ZNF774: variants seen among roughly 807,000 people sequenced by gnomAD.
The protein encoded by ZNF774 is zinc finger protein 774.
A neutral mutation model predicts 11.1 loss-of-function variants in ZNF774; 14 were observed. The ratio of observed to expected loss-of-function variants is 1.26; its 90% confidence interval spans 0.83 to 1.97. ZNF774 has a LOEUF of 1.97. Among genes scored for constraint, ZNF774 ranks in the 30% most tolerant of loss-of-function variants. ZNF774 has a pLI of 0.00. For synonymous variants in ZNF774, 195 were observed against 212.6 expected, an observed-to-expected ratio of 0.92 and a Z score of 0.72; for missense variants, 599 against 587.0, an observed-to-expected ratio of 1.02 and a Z score of -0.21.
intron 3 of ZNF774, among the ~76,000 whole-genome samples, 184 bp from the exon 4 acceptor site, chr15:90,359,859 T>G (rs938035011): frequency 1.3e-5 from 2 of 152,246 alleles, no homozygotes; most frequent in Non-Finnish European, 2.9e-5. Context: ...TTAAAAAGTT[T>G]AGGAATTCAC....
At chr15:90,355,978 A>C (rs1964240888) in intron 2 of ZNF774, among the ~76,000 whole-genome samples, 1 of 148,490 alleles carries the variant, frequency 6.7e-6, no homozygotes, top group African/African-American at 2.5e-5. Flanking sequence ...CAGTGAGCCA[A>C]GATCATGCCA....
chr15:90,356,830 C>T (rs924789016), intron 2 of ZNF774, among the ~76,000 whole-genome samples: 3 of 151,824 alleles, frequency 2.0e-5, no homozygotes, highest in African/African-American at 7.3e-5. Context: ...TTTTTTTAAC[C>T]TATAAAAATA....
At chr15:90,355,945 C>T (rs542192286) in intron 2 of ZNF774, among the ~76,000 whole-genome samples, 23 of 144,740 alleles carry the variant, frequency 1.6e-4, no homozygotes, top group Non-Finnish European at 1.8e-4. Context: ...AGGAGAACAG[C>T]GTGAACTGGG....
chr15:90,359,783 G>A (rs1964299549), intron 3 of ZNF774, among the ~76,000 whole-genome samples: 1 of 152,146 alleles, frequency 6.6e-6, no homozygotes, highest in Admixed American at 6.6e-5. Context: ...TAAAGAAACC[G>A]CACAATATTG....
At position 90,360,274 on chromosome 15, in the gene ZNF774, G is replaced by A; in HGVS notation, c.443G>A (p.Gly148Glu). The change falls in exon 4 of 4, where the codon GGA becomes GAA. Residue 148 changes from glycine to glutamate, a missense_variant. Transcript: ENST00000354377. ...DLNKLLDGYVGEKPMCAECGK... is the reference protein window; with the variant it reads ...DLNKLLDGYVEEKPMCAECGK... ...AACAAGCTCCTGGATGGATATGTAG[G>A]AGAGAAGCCTATGTGTGCAGAATGC... 3 of 1,614,218 alleles carry A rather than the reference G, an allele frequency of 1.9e-6. No homozygotes were observed. Among genetic ancestry groups the A allele is most frequent in the Non-Finnish European group, 1.7e-6 (2 of 1,180,038 alleles).
rs745919221 is a variant in ZNF774 at position 90,356,250 on chromosome 15, G to A, written c.104+1486G>A. 2.4e-4 allele frequency among the ~76,000 whole-genome samples: 36 copies of A among 151,144 alleles called. 1 individual carries two copies. Among genetic ancestry groups the A allele is most frequent in the Admixed American group, 1.7e-3 (25 of 15,114 alleles). The stretch of plus-strand genomic sequence containing the variant: ...TCCTGGATAATTTTTTGTATTTTTA[G>A]TAGAGATGGGTTATCTCCATGTGGT... On this transcript the variant is annotated intron_variant, in intron 2 of 3. Coordinates refer to ENST00000354377, the MANE Select transcript of ZNF774 (RefSeq NM_001004309.3).
chr15:90,360,074 G>C lies in ZNF774; in HGVS notation c.243G>C (p.Gln81His). The C allele has an allele frequency of 6.2e-7, 1 of 1,613,354 alleles. No individual in the cohort carries two copies. Among genetic ancestry groups the C allele is most frequent in the Non-Finnish European group, 8.5e-7 (1 of 1,179,546 alleles). ...DCEHQVAKLN[Q>H]DNSETAEQCG... The stretch of plus-strand genomic sequence containing the variant: ...AGCATCAGGTGGCAAAGCTCAATCA[G>C]GACAATTCTGAAACAGCAGAACAAT... Residue 81 changes from glutamine to histidine, a missense_variant, in exon 4 of 4, where the codon CAG becomes CAC. Gln to His is a conservative substitution (Grantham distance 24). Transcript: ENST00000354377.
At chr15:90,354,248 G>C (rs7182544) in intron 1 of ZNF774, among the ~76,000 whole-genome samples, 39,707 of 151,994 alleles carry the variant, frequency 0.26, 5,808 homozygotes, top group African/African-American at 0.4. Flanking sequence ...TATAGTTAAG[G>C]CCACAATTTC....
chr15:90,357,668 C>T (rs892777303), intron 2 of ZNF774, among the ~76,000 whole-genome samples: 4 of 152,054 alleles, frequency 2.6e-5, no homozygotes, highest in African/African-American at 9.7e-5. Flanking sequence ...GCCTCCCAGG[C>T]TCAAGCAATT....
intron 3 of ZNF774, 104 bp downstream of exon 3, chr15:90,359,061 ATTTTTTTTTT>A: frequency 2.5e-6 from 1 of 396,988 alleles, no homozygotes; most frequent in Non-Finnish European, 4.3e-6. Context: ...ACTAGCAGAC[ATTTTTTTTTT>A]TTTTTTTTTT....
rs74640872 is a variant in ZNF774 at position 90,354,619 on chromosome 15, C to T, written c.-19-23C>T. The T allele has an allele frequency of 1.4e-3, 2,008 of 1,463,058 alleles. 38 individuals carry two copies. The East Asian group carries it at 0.044, about 32-fold the overall frequency. The allele number at this position is 1,463,058 out of a possible 1,614,324, so 90.6% of individuals were successfully genotyped here. A position where few individuals can be genotyped will look rare whatever the true frequency, so the allele number is the denominator to read the frequency against. On this transcript the variant is annotated intron_variant, in intron 1 of 3. Transcript: ENST00000354377. ...GAGAATATCTAGGGAGCTACTGATG[C>T]ACATTGAGGTCTCTTGCTTTAGGAA...
chr15:90,362,420 G>C lies in ZNF774; in HGVS notation c.*1137G>C. On this transcript the variant is annotated 3_prime_UTR_variant, in exon 4 of 4. Transcript: ENST00000354377. The stretch of plus-strand genomic sequence containing the variant: ...AAAATTGTGGAAGCAAAATTGCTGA[G>C]AATGTCAAATGATATTACAGGGATC... 12 of 869,624 alleles carry C rather than the reference G, an allele frequency of 1.4e-5. No individual in the cohort carries two copies. The South Asian group carries it at 1.8e-4, about 13-fold the overall frequency. The allele number at this position is 869,624 out of a possible 1,614,324, so 53.9% of individuals were successfully genotyped here.
chr15:90,360,541 G>T lies in ZNF774; in HGVS notation c.710G>T (p.Cys237Phe), dbSNP rs1437549923. 2 of 1,614,010 alleles carry T rather than the reference G, an allele frequency of 1.2e-6. No homozygotes were observed. The highest frequency in any genetic ancestry group is 2.2e-5 in the South Asian group (2 of 91,088). Reference protein sequence around the residue: ...RTHTGERPYECPECGKTFGRK... With the variant: ...RTHTGERPYEFPECGKTFGRK... ...CACACAGGGGAGAGACCCTATGAGT[G>T]CCCAGAGTGTGGAAAGACTTTTGGG... Residue 237 changes from cysteine (C) to phenylalanine (F), a missense_variant, in exon 4 of 4, where the codon TGC becomes TTC. Coordinates refer to ENST00000354377, the MANE Select transcript of ZNF774 (RefSeq NM_001004309.3).
Position 90,361,024 on chromosome 15 carries a change from C to A in ZNF774, c.1193C>A (p.Thr398Asn). Residue 398 changes from threonine to asparagine, a missense_variant, in exon 4 of 4, where the codon ACC becomes AAC. Physicochemically the swap from Thr to Asn is moderately conservative, Grantham distance 65. Transcript: ENST00000354377. ...CTCATTAAGCACCAACGAATCCACA[C>A]CGGAGAAAGACCCTACAAATGTGGA... ...SALIKHQRIH[T>N]GERPYKCGEC... The A allele has an allele frequency of 6.2e-7, 1 of 1,614,180 alleles. No homozygotes were observed. Among genetic ancestry groups the A allele is most frequent in the Non-Finnish European group, 8.5e-7 (1 of 1,180,036 alleles).
intron 2 of ZNF774, 62 bp downstream of exon 2, chr15:90,354,826 G>A (rs552325976): frequency 1.2e-5 from 16 of 1,363,860 alleles, no homozygotes; most frequent in Middle Eastern, 2.0e-4. Context: ...ACGGGGTCTC[G>A]CTCTGTCATC....
At chr15:90,355,118 G>A (rs954776617) in intron 2 of ZNF774, among the ~76,000 whole-genome samples, 4 of 152,208 alleles carry the variant, frequency 2.6e-5, no homozygotes, top group African/African-American at 9.6e-5. Flanking sequence ...CCTGACCACT[G>A]CTCTCCTTTA....
Position 90,361,069 on chromosome 15 carries a change from A to T in ZNF774, c.1238A>T (p.Asn413Ile), listed in dbSNP as rs141917260. Residue 413 changes from asparagine to isoleucine, a missense_variant, in exon 4 of 4, where the codon AAT becomes ATT. Transcript: ENST00000354377. ...YKCGECGKSFNQSSHFITHQR... is the reference protein window; with the variant it reads ...YKCGECGKSFIQSSHFITHQR... ...TGTGGAGAGTGTGGGAAGAGCTTCA[A>T]TCAGAGCTCCCACTTTATTACCCAT... 1.2e-6 allele frequency: 2 copies of T among 1,614,152 alleles called. No homozygotes were observed. Among genetic ancestry groups the T allele is most frequent in the Middle Eastern group, 1.6e-4 (1 of 6,062 alleles).
rs1964326210 is a variant in ZNF774 at position 90,360,994 on chromosome 15, C to G, written c.1163C>G (p.Ser388Cys). The change falls in exon 4 of 4, where the codon TCC becomes TGC. Residue 388 changes from serine to cysteine, a missense_variant. By Grantham distance (112) the Ser-to-Cys change is moderately radical. Coordinates refer to ENST00000354377, the MANE Select transcript of ZNF774 (RefSeq NM_001004309.3). ...TGTGGGAAAGGATTCGCCGACAGCT[C>G]CGCCCTCATTAAGCACCAACGAATC... is the stretch of plus-strand genomic sequence containing the variant. ...ENCGKGFADS[S>C]ALIKHQRIHT... is the part of the protein sequence containing the mutation. The G allele has an allele frequency of 1.2e-6, 2 of 1,613,972 alleles. No individual in the cohort carries two copies. Among genetic ancestry groups the G allele is most frequent in the African/African-American group, 1.3e-5 (1 of 74,882 alleles).
chr15:90,356,123 C>CT (rs576797131), intron 2 of ZNF774, among the ~76,000 whole-genome samples: 9,278 of 137,180 alleles, frequency 0.068, 1,047 homozygotes, highest in African/African-American at 0.24. Context: ...TTCTTTCTTT[C>CT]TTTTTTTTTT....
Sources: gnomAD v4.1 joint callset for allele counts (sites outside exome capture counted in the v4.1 genomes callset) on GRCh38, gnomAD v4.1.1 for gene constraint, MANE v1.5 for transcripts, NCBI Gene and HGNC (gene_info 2026-07-23, HGNC 2026-07-21) for gene names.